CLPTM1L: variants seen among roughly 807,000 people sequenced by gnomAD.
CLPTM1L encodes the protein CLPTM1 like.
In CLPTM1L, 38 loss-of-function variants were observed where a neutral mutation model predicts 70.9. The observed-to-expected ratio is 0.54, with a 90% CI of 0.41 to 0.70. The LOEUF is 0.70. CLPTM1L is among the 30% of genes least tolerant of loss of function. The pLI is 0.00. For synonymous variants in CLPTM1L, 339 were observed against 299.9 expected (o/e 1.13, Z -1.35); for missense variants, 652 against 705.9 (o/e 0.92, Z 0.87).
chr5:1,323,785 A>G lies in CLPTM1L; in HGVS notation c.1280+2T>C. 1 of 1,610,728 alleles carries G rather than the reference A, an allele frequency of 6.2e-7. No homozygotes were observed. The highest frequency in any genetic ancestry group is 8.5e-7 in the Non-Finnish European group (1 of 1,177,276). ...GCAGGGGAAGCGTGTGCGGCCTCCTACCTCTTATATTTGATATTCAGGAGT... is the reference window on the plus strand; with the variant it reads ...GCAGGGGAAGCGTGTGCGGCCTCCTGCCTCTTATATTTGATATTCAGGAGT... On this transcript the variant is annotated splice_donor_variant, in intron 12 of 16. Transcript: ENST00000320895. LOFTEE classifies it high-confidence loss of function.
chr5:1,336,238 G>T (rs1283089188), intron 5 of CLPTM1L, among the ~76,000 whole-genome samples: 1 of 152,244 alleles, frequency 6.6e-6, no homozygotes, highest in African/African-American at 2.4e-5. Context: ...CCGACTTCCT[G>T]CACCTGCTGC....
chr5:1,332,801 T>A (rs145735631), intron 7 of CLPTM1L, among the ~76,000 whole-genome samples: 90 of 152,370 alleles, frequency 5.9e-4, no homozygotes, highest in African/African-American at 2.0e-3. Context: ...TTGAACTTTA[T>A]CAAAACCATT....
Position 1,317,972 on chromosome 5 carries a change from C to G in CLPTM1L, c.*397G>C, listed in dbSNP as rs1033895881. 5.3e-6 allele frequency: 1 copy of G among 188,070 alleles called. No homozygotes were observed. Among genetic ancestry groups the G allele is most frequent in the Admixed American group, 6.2e-5 (1 of 16,208 alleles). 11.7% of individuals were successfully genotyped at this position (188,070 alleles called of 1,614,324 possible). A position where few individuals can be genotyped will look rare whatever the true frequency, so the allele number is the denominator to read the frequency against. On this transcript the variant is annotated 3_prime_UTR_variant, in exon 17 of 17. Coordinates refer to ENST00000320895, the MANE Select transcript of CLPTM1L (RefSeq NM_030782.5). The stretch of plus-strand genomic sequence containing the variant: ...AGAGCCTTTGATCCCAGAGTCCATG[C>G]GGAATGAATTCCATACGTGTTTGAA...
At chr5:1,327,243 C>G (rs1752656669) in intron 9 of CLPTM1L, among the ~76,000 whole-genome samples, 2 of 150,278 alleles carry the variant, frequency 1.3e-5, no homozygotes, top group East Asian at 4.0e-4. Context: ...TCCAGCTCCT[C>G]CTCGACAGAC....
chr5:1,330,426 C>G, intron 8 of CLPTM1L, 43 bp from the exon 9 acceptor site: 1 of 1,529,984 alleles, frequency 6.5e-7, no homozygotes, highest in South Asian at 1.1e-5. Flanking sequence ...GCAGGGCAGA[C>G]CCCACCTGTG....
chr5:1,328,879 C>CACATTCCATCCAGCTCCTCCTCTACAGGG (rs1752858178), intron 9 of CLPTM1L, among the ~76,000 whole-genome samples: 1 of 147,438 alleles, frequency 6.8e-6, no homozygotes. Flanking sequence ...CCTCTACAGA[C>CACATTCCATCCAGCTCCTCCTCTACAGGG]ACATTCCATC....
intron 9 of CLPTM1L, among the ~76,000 whole-genome samples, chr5:1,330,011 C>T (rs888306378): frequency 5.9e-5 from 9 of 151,604 alleles, no homozygotes; most frequent in Admixed American, 6.6e-5. Flanking sequence ...GGACTATCTG[C>T]TTGGTGGACA....
intron 7 of CLPTM1L, among the ~76,000 whole-genome samples, chr5:1,333,783 G>C (rs373028057): frequency 1.4e-5 from 2 of 148,086 alleles, no homozygotes; most frequent in Non-Finnish European, 3.0e-5. Flanking sequence ...GATAAGGGGG[G>C]ACTACTGTAT....
At chr5:1,334,243 G>C (rs1160039920) in intron 7 of CLPTM1L, 46 bp downstream of exon 7, 1 of 1,444,104 alleles carries the variant, frequency 6.9e-7, no homozygotes, top group Admixed American at 1.7e-5. Context: ...CGGGGCCCAG[G>C]GAGCCCCCCA....
At chr5:1,334,504 A>C (rs1753429697) in intron 6 of CLPTM1L, 121 bp from the exon 7 acceptor site, 2 of 651,146 alleles carry the variant, frequency 3.1e-6, no homozygotes, top group Non-Finnish European at 5.3e-6. Context: ...CTGTAAACCC[A>C]GCACTTTGGG....
chr5:1,331,850 T>A lies in CLPTM1L; in HGVS notation c.925A>T (p.Ile309Phe). 6.2e-7 allele frequency: 1 copy of A among 1,613,422 alleles called. No individual in the cohort carries two copies. The change falls in exon 8 of 17, where the codon ATC becomes TTC. Residue 309 changes from isoleucine to phenylalanine, a missense_variant. Around this residue, in one of 3 missense-constraint regions of CLPTM1L, gnomAD observed 402 missense variants for 388.2 expected, o/e 1.04. Coordinates refer to ENST00000320895, the MANE Select transcript of CLPTM1L (RefSeq NM_030782.5). Reference sequence around the variant, plus strand: ...CTCTTCTTCTTCTTCCAGAAACTGATGTCATTTTTAAAGGCCAGGAAATCA... The same window carrying A: ...CTCTTCTTCTTCTTCCAGAAACTGAAGTCATTTTTAAAGGCCAGGAAATCA... ...LFDFLAFKND[I>F]SFWKKKKSMI...
Position 1,324,813 on chromosome 5 carries a change from A to T in CLPTM1L, c.1147T>A (p.Phe383Ile). The T allele has an allele frequency of 1.2e-6, 2 of 1,613,764 alleles. No individual in the cohort carries two copies. The highest frequency in any genetic ancestry group is 1.7e-6 in the Non-Finnish European group (2 of 1,179,666). ...CTCTCAGATTCGCTGTAAGTGCCAAACTGTTGTGAAATTCAACACAGTGAT... is the reference window on the plus strand; with the variant it reads ...CTCTCAGATTCGCTGTAAGTGCCAATCTGTTGTGAAATTCAACACAGTGAT... ...FWRGLMPEFQ[F>I]GTYSESERKT... Residue 383 changes from phenylalanine to isoleucine, a missense_variant and splice_region_variant, in exon 11 of 17, where the codon TTT (phenylalanine) becomes ATT (isoleucine). By Grantham distance (21) the Phe-to-Ile change is conservative. Coordinates refer to ENST00000320895, the MANE Select transcript of CLPTM1L (RefSeq NM_030782.5).
Position 1,344,689 on chromosome 5 carries a change from G to A in CLPTM1L, c.153C>T (p.Pro51=), listed in dbSNP as rs747447600. The A allele has an allele frequency of 6.4e-7, 1 of 1,561,560 alleles. No individual in the cohort carries two copies. The highest frequency in any genetic ancestry group is 1.9e-5 in the Admixed American group (1 of 52,630). Residue 51 remains proline (P), a synonymous_variant, in exon 1 of 17, where the codon CCC becomes CCT. Transcript: ENST00000320895. ...CCCCGCGGACGCTCACCTGCAGCTT[G>A]GGCCGCCGCGCCAGGTAGGGCTGGA... ...NCIQPYLARR[P]KLQLSVYTTT...
intron 7 of CLPTM1L, 35 bp from the exon 8 acceptor site, chr5:1,331,918 C>G (rs1753118074): frequency 2.0e-6 from 3 of 1,472,618 alleles, no homozygotes; most frequent in Non-Finnish European, 1.9e-6. Context: ...ACTCACATCT[C>G]CTGCTGTTTC....
intron 12 of CLPTM1L, 46 bp from the exon 13 acceptor site, chr5:1,322,957 A>G (rs746677864): frequency 2.0e-5 from 30 of 1,534,556 alleles, no homozygotes; most frequent in Admixed American, 1.7e-4. Flanking sequence ...GCATAGCTTA[A>G]TATCTGTATT....
In CLPTM1L at chr5:1,344,924, G is replaced by C; in HGVS notation, c.-83C>G. ...GCCCGGCGCCCAGCCCGCCGCTCCG[G>C]GCTCCGCCGCTCACTGGAGAGCCGC... On this transcript the variant is annotated 5_prime_UTR_variant, in exon 1 of 17. Transcript: ENST00000320895. The C allele has an allele frequency of 1.2e-6, 1 of 828,688 alleles. No homozygotes were observed. Among genetic ancestry groups the C allele is most frequent in the Non-Finnish European group, 1.4e-6 (1 of 692,488 alleles). 51.3% of individuals were successfully genotyped at this position (828,688 alleles called of 1,614,324 possible).
At chr5:1,332,082 G>T in intron 7 of CLPTM1L, 199 bp from the exon 8 acceptor site, 2 of 589,892 alleles carry the variant, frequency 3.4e-6, no homozygotes, top group Non-Finnish European at 3.0e-6. Context: ...GCCCAGGCGG[G>T]CTTTGCAGGG....
chr5:1,343,027 C>T (rs187180103), intron 2 of CLPTM1L, among the ~76,000 whole-genome samples: 238 of 152,272 alleles, frequency 1.6e-3, no homozygotes, highest in African/African-American at 5.4e-3. Flanking sequence ...CCTGTCTCTA[C>T]TAAAAATAAA....
Position 1,323,960 on chromosome 5 carries a change from C to T in CLPTM1L, c.1198-91G>A, listed in dbSNP as rs995177110. On this transcript the variant is annotated intron_variant, in intron 11 of 16. Transcript: ENST00000320895. ...TGGAGCTCACCCCGACAGGGACAGA[C>T]AGAACGAGCTACAGCGCTCAGGGTG... 5 of 1,018,878 alleles carry T rather than the reference C, an allele frequency of 4.9e-6. No homozygotes were observed. In the African/African-American group the frequency reaches 6.4e-5, roughly 13 times the overall value. 63.1% of individuals were successfully genotyped at this position (1,018,878 alleles called of 1,614,324 possible).
Sources: gnomAD v4.1 joint callset for allele counts (sites outside exome capture counted in the v4.1 genomes callset) on GRCh38, gnomAD v4.1.1 for gene constraint, gnomAD v4.1.1 regional missense constraint, MANE v1.5 for transcripts, NCBI Gene and HGNC (gene_info 2026-07-23, HGNC 2026-07-21) for gene names.